Variants in MIPOL1 observed in about 807,000 individuals in gnomAD.
MIPOL1 encodes the protein mirror-image polydactyly 1, also known as mirror-image polydactyly gene 1 protein.
In MIPOL1, 57 loss-of-function variants were observed where a neutral mutation model predicts 60.9. The observed-to-expected ratio is 0.94, with a 90% CI of 0.76 to 1.17. The LOEUF (loss-of-function observed/expected upper bound fraction) is 1.17, where lower values mean the gene tolerates loss of function less well. Ranked by LOEUF, MIPOL1 falls within the 50% of genes most tolerant of loss-of-function variation. The pLI is 0.00. For missense variants in MIPOL1, 551 were observed against 511.6 expected (o/e 1.08, Z -0.74); for synonymous variants, 179 against 168.8 (o/e 1.06, Z -0.47).
In MIPOL1 at chr14:37,500,112, C is replaced by T. The variant is rs2095194172; in HGVS notation, c.1236C>T (p.Ser412=). The change falls in exon 12 of 13, where the codon TCC becomes TCT. Residue 412 remains serine (S), a synonymous_variant. Transcript: ENST00000684589. ...AACTTCAACATGCCAGAGAGGCCTC[C>T]CAAGTGGCCAATGAAAAAGTTCAAA... ...ELQLQHAREA[S]QVANEKVQKL... 1.2e-6 allele frequency: 2 copies of T among 1,606,594 alleles called. No individual in the cohort carries two copies. The highest frequency in any genetic ancestry group is 2.7e-5 in the African/African-American group (2 of 74,384).
At chr14:37,296,480 C>T (rs1259851625) in intron 7 of MIPOL1, among the ~76,000 whole-genome samples, 2 of 152,058 alleles carry the variant, frequency 1.3e-5, no homozygotes, top group African/African-American at 2.4e-5. Flanking sequence ...GAAATAGAGA[C>T]ACAAAAAACC....
At position 37,244,104 on chromosome 14, in the gene MIPOL1, C is replaced by CTTTTTTTTTTTTTTTT. The variant is rs143933758; in HGVS notation, c.-198-2982_-198-2967dup. On this transcript the variant is annotated intron_variant, in intron 1 of 12. Transcript: ENST00000684589. ...TTTTCTTCCATGTAAGACTCACTTC[C>CTTTTTTTTTTTTTTTT]TTTTTTTTTTTTTTTTTTTTTTTTT... 1.7e-4 allele frequency among the ~76,000 whole-genome samples: 9 copies of CTTTTTTTTTTTTTTTT among 51,608 alleles called. 2 individuals carry two copies. Among genetic ancestry groups the CTTTTTTTTTTTTTTTT allele is most frequent in the Admixed American group, 2.7e-4 (1 of 3,704 alleles). The allele number at this position is 51,608 out of a possible 152,430, so 33.9% of individuals were successfully genotyped here.
chr14:37,465,830 C>A (rs1398752051), intron 11 of MIPOL1, among the ~76,000 whole-genome samples: 1 of 152,140 alleles, frequency 6.6e-6, no homozygotes, highest in Non-Finnish European at 1.5e-5. Context: ...CCTTCCCAAT[C>A]TGTAAGCATT....
At chr14:37,340,403 G>A (rs963793399) in intron 9 of MIPOL1, among the ~76,000 whole-genome samples, 1 of 152,114 alleles carries the variant, frequency 6.6e-6, no homozygotes, top group South Asian at 2.1e-4. Flanking sequence ...CAAATTAAAA[G>A]TTTATGAAGT....
At chr14:37,237,280 G>T (rs1311937970) in intron 1 of MIPOL1, among the ~76,000 whole-genome samples, 1 of 152,028 alleles carries the variant, frequency 6.6e-6, no homozygotes, top group African/African-American at 2.4e-5. Context: ...ACAACAATTT[G>T]TCTATCAGAT....
At chr14:37,461,065 G>A (rs1430286631) in intron 11 of MIPOL1, among the ~76,000 whole-genome samples, 2 of 152,120 alleles carry the variant, frequency 1.3e-5, no homozygotes, top group Non-Finnish European at 2.9e-5. Flanking sequence ...TAAGCAAAAA[G>A]GACAAAGCTG....
chr14:37,357,177 C>A (rs763318157), intron 9 of MIPOL1, among the ~76,000 whole-genome samples: 6 of 152,152 alleles, frequency 3.9e-5, no homozygotes, highest in African/African-American at 1.4e-4. Context: ...TTCTGAGGAA[C>A]CTCCAAAATT....
chr14:37,472,632 A>G (rs769732679), intron 11 of MIPOL1, among the ~76,000 whole-genome samples: 1 of 152,190 alleles, frequency 6.6e-6, no homozygotes, highest in Non-Finnish European at 1.5e-5. Flanking sequence ...CTAGCCTTCA[A>G]TACTAGGCAG....
rs139770776 is a variant in MIPOL1 at position 37,526,658 on chromosome 14, G to A, written c.1263-20247G>A. Among the ~76,000 whole-genome samples the A allele has an allele frequency of 7.8e-3, 1,180 of 151,912 alleles. 26 individuals carry two copies. The highest frequency in any genetic ancestry group is 0.027 in the African/African-American group (1,136 of 41,442). On this transcript the variant is annotated intron_variant, in intron 12 of 12. Coordinates refer to ENST00000684589, the MANE Select transcript of MIPOL1 (RefSeq NM_001388067.1). Reference sequence around the variant, plus strand: ...AGCCTCCCAAAGTGCTGGGATTACAGGCGAGAGCCACCGCACCTGGCCTGG... The same window carrying A: ...AGCCTCCCAAAGTGCTGGGATTACAAGCGAGAGCCACCGCACCTGGCCTGG...
intron 11 of MIPOL1, among the ~76,000 whole-genome samples, chr14:37,468,660 C>G (rs1474346779): frequency 6.6e-6 from 1 of 152,008 alleles, no homozygotes; most frequent in African/African-American, 2.4e-5. Flanking sequence ...AATATTAAAC[C>G]CTTTTCTAGG....
intron 11 of MIPOL1, among the ~76,000 whole-genome samples, chr14:37,498,818 A>G (rs2095171507): frequency 6.6e-6 from 1 of 152,080 alleles, no homozygotes; most frequent in African/African-American, 2.4e-5. Context: ...AAATAAGCAT[A>G]CTGTAAAGGC....
chr14:37,496,162 G>A (rs1230835532), intron 11 of MIPOL1, among the ~76,000 whole-genome samples: 1 of 151,290 alleles, frequency 6.6e-6, no homozygotes, highest in Non-Finnish European at 1.5e-5. Flanking sequence ...AAAATAATAA[G>A]AGCTATCTAT....
chr14:37,315,089 G>C (rs890323699), intron 9 of MIPOL1, among the ~76,000 whole-genome samples: 9 of 152,224 alleles, frequency 5.9e-5, no homozygotes, highest in Non-Finnish European at 1.3e-4. Flanking sequence ...CAGCAGCTGG[G>C]GGGTGGGATT....
chr14:37,526,369 C>CTTTTTTTT (rs1191140443), intron 12 of MIPOL1, among the ~76,000 whole-genome samples: 4 of 128,204 alleles, frequency 3.1e-5, no homozygotes, highest in Non-Finnish European at 5.1e-5. Context: ...TACTTCTTTT[C>CTTTTTTTT]TTTTTTTTTT....
intron 6 of MIPOL1, among the ~76,000 whole-genome samples, chr14:37,282,608 G>A (rs1271740488): frequency 1.3e-5 from 2 of 151,900 alleles, no homozygotes; most frequent in East Asian, 1.9e-4. Context: ...GCCAAGGTGG[G>A]AGAATCACTT....
intron 3 of MIPOL1, among the ~76,000 whole-genome samples, chr14:37,260,762 C>T (rs766590314): frequency 6.6e-6 from 1 of 152,120 alleles, no homozygotes; most frequent in Admixed American, 6.6e-5. Context: ...AGCTAGTATA[C>T]GGTATTCATG....
At chr14:37,349,283 C>T (rs907078631) in intron 9 of MIPOL1, among the ~76,000 whole-genome samples, 7 of 152,244 alleles carry the variant, frequency 4.6e-5, no homozygotes, top group Middle Eastern at 6.8e-3. Flanking sequence ...CCACTGCACC[C>T]GGCCACTGTG....
chr14:37,445,071 G>A (rs1356003829), intron 11 of MIPOL1, among the ~76,000 whole-genome samples: 3 of 152,146 alleles, frequency 2.0e-5, no homozygotes, highest in Non-Finnish European at 4.4e-5. Flanking sequence ...GGAAGTTCTG[G>A]CCAGGTCAAT....
intron 12 of MIPOL1, among the ~76,000 whole-genome samples, chr14:37,535,711 T>C (rs2153638269): frequency 6.6e-6 from 1 of 152,328 alleles, no homozygotes; most frequent in South Asian, 2.1e-4. Flanking sequence ...AAAGGCTGTG[T>C]AGAACAAGTG....
Sources: gnomAD v4.1 joint callset for allele counts (sites outside exome capture counted in the v4.1 genomes callset) on GRCh38, gnomAD v4.1.1 for gene constraint, MANE v1.5 for transcripts, NCBI Gene and HGNC (gene_info 2026-07-23, HGNC 2026-07-21) for gene names.